Variants in CNTN5 observed in about 807,000 individuals in gnomAD.
The protein encoded by CNTN5 is contactin 5, also known as contactin-5.
Under a neutral mutation model 129.1 loss-of-function variants are expected in CNTN5, and 77 were observed. The ratio of observed to expected loss-of-function variants is 0.60; its 90% CI spans 0.50 to 0.72. The LOEUF (loss-of-function observed/expected upper bound fraction) is 0.72, where lower values mean the gene tolerates loss of function less well. Among genes scored for constraint, CNTN5 ranks in the 30% least tolerant of loss-of-function variants. The probability of loss-of-function intolerance (pLI) is 0.00; values close to 1 mark genes in which losing one functional copy is unlikely to be tolerated. For synonymous variants in CNTN5, 509 were observed against 465.6 expected, an observed-to-expected ratio of 1.09 and a Z score of -1.20; for missense variants, 1,478 against 1,328.8, an observed-to-expected ratio of 1.11 and a Z score of -1.75.
intron 13 of CNTN5, among the ~76,000 whole-genome samples, chr11:100,133,546 G>T (rs905951691): frequency 1.3e-5 from 2 of 151,990 alleles, no homozygotes; most frequent in South Asian, 4.1e-4. Flanking sequence ...GTTTTGCATT[G>T]GGAATGTATT....
chr11:99,921,962 A>G (rs1376194638), intron 7 of CNTN5, among the ~76,000 whole-genome samples: 1 of 152,216 alleles, frequency 6.6e-6, no homozygotes, highest in Non-Finnish European at 1.5e-5. Flanking sequence ...TTTGCTTAAA[A>G]GAAGAACTTT....
At chr11:99,593,379 G>C (rs535496767) in intron 3 of CNTN5, among the ~76,000 whole-genome samples, 19 of 152,154 alleles carry the variant, frequency 1.2e-4, no homozygotes, top group Non-Finnish European at 2.4e-4. Flanking sequence ...TCACTGATTT[G>C]AAAGGAACTG....
intron 13 of CNTN5, among the ~76,000 whole-genome samples, chr11:100,080,662 C>T (rs1944326972): frequency 1.3e-5 from 2 of 152,194 alleles, no homozygotes; most frequent in South Asian, 2.1e-4. Flanking sequence ...CACCTACATG[C>T]TGGGTTTGCT....
chr11:99,818,107 T>G (rs1293184787), intron 3 of CNTN5, among the ~76,000 whole-genome samples: 1 of 152,244 alleles, frequency 6.6e-6, no homozygotes, highest in Non-Finnish European at 1.5e-5. Flanking sequence ...AAAATGCTTT[T>G]TGCATTCTAA....
chr11:99,894,228 G>A (rs1949139181), intron 6 of CNTN5, among the ~76,000 whole-genome samples: 1 of 152,074 alleles, frequency 6.6e-6, no homozygotes, highest in Non-Finnish European at 1.5e-5. Context: ...TTTGTCCACA[G>A]ACTGTTCCTT....
chr11:99,912,718 G>A (rs1271298031), intron 6 of CNTN5, among the ~76,000 whole-genome samples: 1 of 149,718 alleles, frequency 6.7e-6, no homozygotes, highest in Non-Finnish European at 1.5e-5. Context: ...TCTAGTTACA[G>A]CTCTTCTTTT....
rs1949405948 is a variant in CNTN5 at position 99,903,246 on chromosome 11, A to T, written c.578-12808A>T. Among the ~76,000 whole-genome samples, 2 of 151,926 alleles carry T rather than the reference A, an allele frequency of 1.3e-5. 1 individual carries two copies. Among genetic ancestry groups the T allele is most frequent in the South Asian group, 4.1e-4 (2 of 4,822 alleles). ...AAAACACTCAAGCACACATATGCGAACAGCATAAGAATTCCTGTAAAGGGC... is the reference window on the plus strand; with the variant it reads ...AAAACACTCAAGCACACATATGCGATCAGCATAAGAATTCCTGTAAAGGGC... On this transcript the variant is annotated intron_variant, in intron 6 of 24. Transcript: ENST00000524871.
In CNTN5 at chr11:100,018,565, G is replaced by A. The variant is rs117086413; in HGVS notation, c.980+16429G>A. 6.6e-5 allele frequency among the ~76,000 whole-genome samples: 10 copies of A among 152,014 alleles called. No individual in the cohort carries two copies. The East Asian group carries it at 1.7e-3, about 26-fold the overall frequency. On this transcript the variant is annotated intron_variant, in intron 9 of 24. Coordinates refer to ENST00000524871, the MANE Select transcript of CNTN5 (RefSeq NM_014361.4). ...TGGCTCTACCACCATGCGTGCATCT[G>A]TGCACCTGTTGATAGACATTTGGAT...
chr11:100,278,967 G>A (rs1950574770), intron 18 of CNTN5, among the ~76,000 whole-genome samples: 1 of 151,890 alleles, frequency 6.6e-6, no homozygotes, highest in African/African-American at 2.4e-5. Flanking sequence ...ATGATGTTGA[G>A]TTATATTCCT....
intron 3 of CNTN5, among the ~76,000 whole-genome samples, chr11:99,631,081 C>A (rs1951330780): frequency 6.6e-6 from 1 of 152,050 alleles, no homozygotes; most frequent in Non-Finnish European, 1.5e-5. Context: ...GTTTTATTTC[C>A]ATGAAATTAA....
At chr11:99,802,343 C>G (rs1231066) in intron 3 of CNTN5, among the ~76,000 whole-genome samples, 88,138 of 151,996 alleles carry the variant, frequency 0.58, 26,342 homozygotes, top group East Asian at 0.72. Context: ...GTTTTCTGAA[C>G]TGCCTGATTA....
At chr11:99,322,639 T>G (rs1207117032) in intron 1 of CNTN5, among the ~76,000 whole-genome samples, 1 of 152,046 alleles carries the variant, frequency 6.6e-6, no homozygotes, top group Non-Finnish European at 1.5e-5. Context: ...AATAACACAT[T>G]AAGAATAGAA....
At chr11:99,127,019 A>G (rs1858669398) in intron 1 of CNTN5, among the ~76,000 whole-genome samples, 1 of 152,138 alleles carries the variant, frequency 6.6e-6, no homozygotes, top group African/African-American at 2.4e-5. Context: ...CTATCTATGT[A>G]TTGATGACTT....
intron 8 of CNTN5, among the ~76,000 whole-genome samples, chr11:99,958,055 A>G (rs552789784): frequency 5.3e-5 from 8 of 152,216 alleles, no homozygotes; most frequent in Admixed American, 1.3e-4. Flanking sequence ...TAAAAATGTA[A>G]TATTCATTTT....
At chr11:99,876,468 G>C (rs1034493695) in intron 6 of CNTN5, among the ~76,000 whole-genome samples, 4 of 152,054 alleles carry the variant, frequency 2.6e-5, no homozygotes, top group Non-Finnish European at 4.4e-5. Context: ...GCCCTATTTA[G>C]CTTCTTTCTC....
intron 17 of CNTN5, among the ~76,000 whole-genome samples, chr11:100,257,500 TCC>T (rs1950098976): frequency 6.6e-6 from 1 of 152,006 alleles, no homozygotes; most frequent in Non-Finnish European, 1.5e-5. Flanking sequence ...GGGACACAAC[TCC>T]CAGCAGGGAG....
At chr11:99,944,220 A>G (rs184067988) in intron 7 of CNTN5, among the ~76,000 whole-genome samples, 291 of 152,216 alleles carry the variant, frequency 1.9e-3, no homozygotes, top group South Asian at 0.01. Flanking sequence ...CATATGAGAA[A>G]GCAGGAAAGA....
At chr11:99,260,015 T>C (rs192772227) in intron 1 of CNTN5, among the ~76,000 whole-genome samples, 1 of 151,878 alleles carries the variant, frequency 6.6e-6, no homozygotes, top group East Asian at 1.9e-4. Context: ...TAAATATTAA[T>C]CTTCATCTGT....
chr11:100,203,364 A>G (rs1180377746), intron 15 of CNTN5, among the ~76,000 whole-genome samples: 1 of 152,056 alleles, frequency 6.6e-6, no homozygotes, highest in Non-Finnish European at 1.5e-5. Context: ...AGTATGTTAC[A>G]TTGCTTTAAC....
Sources: allele counts gnomAD v4.1 joint callset (sites outside exome capture counted in the v4.1 genomes callset), GRCh38; gene constraint gnomAD v4.1.1; transcripts MANE v1.5; gene names NCBI Gene and HGNC (gene_info 2026-07-23, HGNC 2026-07-21).